UTP20: variants seen among roughly 807,000 people sequenced by gnomAD.
UTP20 encodes the protein small subunit processome component 20 homolog.
A neutral mutation model predicts 329.5 loss-of-function variants in UTP20; 164 were observed. The observed-to-expected ratio is 0.50, with a 90% CI of 0.44 to 0.57. The LOEUF (loss-of-function observed/expected upper bound fraction) is 0.57, where lower values mean the gene tolerates loss of function less well. UTP20 is among the 20% of genes least tolerant of loss of function. The probability of loss-of-function intolerance (pLI) is 0.00; values close to 1 mark genes in which losing one functional copy is unlikely to be tolerated. For synonymous variants in UTP20, 1,151 were observed against 1,159.3 expected, an observed-to-expected ratio of 0.99 and a Z score of 0.14; for missense variants, 3,055 against 3,284.2, an observed-to-expected ratio of 0.93 and a Z score of 1.71.
At chr12:101,299,602 A>T in intron 12 of UTP20, 80 bp from the exon 13 acceptor site, 1 of 1,351,058 alleles carries the variant, frequency 7.4e-7, no homozygotes, top group Non-Finnish European at 1.0e-6. Context: ...CAATGGTAAG[A>T]ATCCAATTTT....
chr12:101,323,636 AT>A (rs978345623), intron 25 of UTP20, among the ~76,000 whole-genome samples: 20 of 151,584 alleles, frequency 1.3e-4, no homozygotes, highest in African/African-American at 4.6e-4. Flanking sequence ...TTCTCATGAA[AT>A]TTTTTTTTAA....
chr12:101,322,775 C>G (rs1177601922), intron 25 of UTP20, among the ~76,000 whole-genome samples: 1 of 152,080 alleles, frequency 6.6e-6, no homozygotes, highest in Admixed American at 6.6e-5. Flanking sequence ...TTATAGCAAG[C>G]TTTAAGAACT....
intron 50 of UTP20, 56 bp from the exon 51 acceptor site, chr12:101,371,002 C>A: frequency 1.4e-6 from 2 of 1,480,672 alleles, no homozygotes; most frequent in South Asian, 1.2e-5. Flanking sequence ...AATCTGCTTC[C>A]ACGCATCTGC....
At chr12:101,330,292 G>C (rs1868716447) in intron 27 of UTP20, among the ~76,000 whole-genome samples, 1 of 152,134 alleles carries the variant, frequency 6.6e-6, no homozygotes, top group Admixed American at 6.6e-5. Context: ...ATCCCTGGTT[G>C]GGAATGGTCT....
chr12:101,319,024 C>T (rs764499246), intron 22 of UTP20, among the ~76,000 whole-genome samples: 4 of 152,092 alleles, frequency 2.6e-5, no homozygotes, highest in Admixed American at 6.6e-5. Flanking sequence ...TCACTTCCCA[C>T]GATTTCAGTT....
chr12:101,366,632 G>A lies in UTP20; in HGVS notation c.6200G>A (p.Arg2067Gln), dbSNP rs777621371. Residue 2067 changes from arginine (R) to glutamine (Q), a missense_variant, in exon 47 of 62, where the codon CGA becomes CAA. Around this residue, in one of 3 missense-constraint regions of UTP20, gnomAD observed 2,445 missense variants for 2,575.5 expected, o/e 0.95. Transcript: ENST00000261637. ...CTTCTGCTTCCCCCAACTCCAGTTC[G>A]AGGTGGACAGAAAGCTGTTGTGAGC... ...SCLLLPPTPV[R>Q]GGQKAVVSRK... 3.7e-6 allele frequency: 6 copies of A among 1,614,002 alleles called. No homozygotes were observed. Among genetic ancestry groups the A allele is most frequent in the African/African-American group, 2.7e-5 (2 of 74,910 alleles).
intron 22 of UTP20, among the ~76,000 whole-genome samples, chr12:101,318,249 T>C (rs1362047965): frequency 6.6e-6 from 1 of 152,236 alleles, no homozygotes; most frequent in Non-Finnish European, 1.5e-5. Context: ...CTTTTAGAAG[T>C]TACTTCAGCT....
At chr12:101,284,989 T>C (rs190115384) in intron 2 of UTP20, among the ~76,000 whole-genome samples, 1 of 152,352 alleles carries the variant, frequency 6.6e-6, no homozygotes, top group East Asian at 1.9e-4. Context: ...TAGCTCTTTT[T>C]AGTAGCCACA....
At position 101,352,161 on chromosome 12, in the gene UTP20, A is replaced by C; in HGVS notation, c.4991A>C (p.Gln1664Pro). 6.2e-7 allele frequency: 1 copy of C among 1,613,362 alleles called. No individual in the cohort carries two copies. The change falls in exon 39 of 62, where the codon CAA becomes CCA. Residue 1664 changes from glutamine to proline, a missense_variant. Gln to Pro is a moderately conservative substitution (Grantham distance 76). Around this residue, in one of 3 missense-constraint regions of UTP20, gnomAD observed 2,445 missense variants for 2,575.5 expected, o/e 0.95. Coordinates refer to ENST00000261637, the MANE Select transcript of UTP20 (RefSeq NM_014503.3). ...YYLKHFIHVLQTGQINQKLGV... is the reference protein window; with the variant it reads ...YYLKHFIHVLPTGQINQKLGV... The stretch of plus-strand genomic sequence containing the variant: ...TTGAAACATTTCATTCATGTCTTAC[A>C]AACGGGACAGATCAATCAAAAACTG...
chr12:101,285,818 T>A lies in UTP20; in HGVS notation c.263T>A (p.Ile88Lys). 1 of 1,613,872 alleles carries A rather than the reference T, an allele frequency of 6.2e-7. No individual in the cohort carries two copies. The highest frequency in any genetic ancestry group is 8.5e-7 in the Non-Finnish European group (1 of 1,179,890). Residue 88 changes from isoleucine (I) to lysine (K), a missense_variant, in exon 4 of 62, where the codon ATA (isoleucine) becomes AAA (lysine). Ile to Lys is a moderately radical substitution (Grantham distance 102). This residue lies in a region of UTP20 where 2,445 missense variants were observed against 2,575.5 expected (regional missense o/e 0.95). Coordinates refer to ENST00000261637, the MANE Select transcript of UTP20 (RefSeq NM_014503.3). ...CAGTTGGTGTATCACCAAAACGAGA[T>A]AGTTCAGAGTTTGAAGACTCACCTG... Reference protein sequence around the residue: ...FNQLVYHQNEIVQSLKTHLQV... With the variant: ...FNQLVYHQNEKVQSLKTHLQV...
intron 40 of UTP20, among the ~76,000 whole-genome samples, chr12:101,353,934 C>T (rs1368602124): frequency 6.6e-6 from 1 of 151,770 alleles, no homozygotes; most frequent in Non-Finnish European, 1.5e-5. Context: ...AATAGAAAAT[C>T]CAGATAGATT....
chr12:101,299,696 A>T lies in UTP20; in HGVS notation c.1445A>T (p.Gln482Leu), dbSNP rs149002619. The T allele has an allele frequency of 3.6e-5, 57 of 1,590,454 alleles. 1 individual carries two copies. Among genetic ancestry groups the T allele is most frequent in the Non-Finnish European group, 1.8e-5 (21 of 1,173,504 alleles). ...SPQMVGFYIK[Q>L]KKTRSKGRNE... ...TAATCCTTCAGATTCTATATAAAGC[A>T]GAAGAAGACTAGATCCAAGGGAAGA... Residue 482 changes from glutamine (Q) to leucine (L), a missense_variant, in exon 13 of 62, where the codon CAG (glutamine) becomes CTG (leucine). Transcript: ENST00000261637.
chr12:101,292,084 A>G lies in UTP20; in HGVS notation c.1153A>G (p.Ile385Val), dbSNP rs751741275. 2 of 1,613,362 alleles carry G rather than the reference A, an allele frequency of 1.2e-6. No individual in the cohort carries two copies. The highest frequency in any genetic ancestry group is 1.1e-5 in the South Asian group (1 of 90,760). Residue 385 changes from isoleucine to valine, a missense_variant, in exon 10 of 62, where the codon ATC becomes GTC. Around this residue, in one of 3 missense-constraint regions of UTP20, gnomAD observed 2,445 missense variants for 2,575.5 expected, o/e 0.95. Coordinates refer to ENST00000261637, the MANE Select transcript of UTP20 (RefSeq NM_014503.3). ...GENVSLPETL[I>V]KETIEKIFES... The stretch of plus-strand genomic sequence containing the variant: ...AAATGTTTCCTTGCCGGAGACCCTC[A>G]TCAAAGAAACCATAGAAAAAGTAAT...
intron 37 of UTP20, 41 bp downstream of exon 37, chr12:101,345,735 A>T (rs769311580): frequency 6.4e-7 from 1 of 1,560,384 alleles, no homozygotes; most frequent in Non-Finnish European, 8.6e-7. Context: ...CGACATAAGC[A>T]TACATATTTC....
At chr12:101,341,684 A>G (rs1342558129) in intron 32 of UTP20, among the ~76,000 whole-genome samples, 1 of 152,176 alleles carries the variant, frequency 6.6e-6, no homozygotes, top group South Asian at 2.1e-4. Context: ...AGGCAGGCAG[A>G]TCACGAGGTC....
chr12:101,286,737 C>T lies in UTP20; in HGVS notation c.515+228C>T. Among the ~76,000 whole-genome samples the T allele has an allele frequency of 1.3e-5, 2 of 151,902 alleles. 1 individual carries two copies. The highest frequency in any genetic ancestry group is 2.9e-5 in the Non-Finnish European group (2 of 67,990). ...CCCACCCAAGAAGGCCTGACTCGGT[C>T]CCTACAGCCTCCACAAACAGGCACC... On this transcript the variant is annotated intron_variant, in intron 5 of 61. Transcript: ENST00000261637.
rs1190687504 is a variant in UTP20, at chr12:101,355,069, C to G, written c.5345C>G (p.Thr1782Ser). Residue 1782 changes from threonine to serine, a missense_variant, in exon 41 of 62, where the codon ACC (threonine) becomes AGC (serine). Physicochemically the swap from Thr to Ser is moderately conservative, Grantham distance 58 (BLOSUM62 1). Transcript: ENST00000261637. The part of the protein sequence containing the change: ...IERTIKNIQG[T>S]ITGDILPRLH... ...AGAACAATTAAAAATATCCAAGGAA[C>G]CATAACCGGGGATATTCTCCCCAGG... is the stretch of plus-strand genomic sequence containing the variant. 3.7e-6 allele frequency: 6 copies of G among 1,614,144 alleles called. No individual in the cohort carries two copies. The East Asian group carries it at 1.3e-4, about 36-fold the overall frequency.
chr12:101,366,622 A>C lies in UTP20; in HGVS notation c.6190A>C (p.Thr2064Pro). 4 of 1,613,858 alleles carry C rather than the reference A, an allele frequency of 2.5e-6. No individual in the cohort carries two copies. The highest frequency in any genetic ancestry group is 3.4e-6 in the Non-Finnish European group (4 of 1,179,972). ...PPQSCLLLPP[T>P]PVRGGQKAVV... ...CCAGAGCTGCCTTCTGCTTCCCCCA[A>C]CTCCAGTTCGAGGTGGACAGAAAGC... is the stretch of plus-strand genomic sequence containing the variant. Residue 2064 changes from threonine to proline, a missense_variant, in exon 47 of 62, where the codon ACT (threonine) becomes CCT (proline). This residue lies in a region of UTP20 where 2,445 missense variants were observed against 2,575.5 expected (regional missense o/e 0.95). Coordinates refer to ENST00000261637, the MANE Select transcript of UTP20 (RefSeq NM_014503.3).
At chr12:101,302,366 A>T in intron 14 of UTP20, 82 bp from the exon 15 acceptor site, 1 of 785,120 alleles carries the variant, frequency 1.3e-6, no homozygotes, top group South Asian at 1.7e-5. Flanking sequence ...ATAAGTAGCA[A>T]GTATTCAATA....
Sources: allele counts gnomAD v4.1 joint callset (sites outside exome capture counted in the v4.1 genomes callset), GRCh38; gene constraint gnomAD v4.1.1; regional missense constraint gnomAD v4.1.1; transcripts MANE v1.5; gene names NCBI Gene and HGNC (gene_info 2026-07-23, HGNC 2026-07-21).